Variants in SYK observed in about 807,000 individuals in gnomAD.
SYK encodes the protein tyrosine-protein kinase SYK.
A neutral mutation model predicts 77.8 loss-of-function variants in SYK; 16 were observed. The ratio of observed to expected loss-of-function variants is 0.21; its 90% CI spans 0.14 to 0.31. The LOEUF (loss-of-function observed/expected upper bound fraction) is 0.31, where lower values mean the gene tolerates loss of function less well. Ranked by LOEUF, SYK falls within the 10% of genes least tolerant of loss-of-function variation. The pLI is 1.00. For synonymous variants in SYK, 312 were observed against 308.7 expected (o/e 1.01, Z -0.11); for missense variants, 529 against 814.4 (o/e 0.65, Z 4.26).
chr9:90,881,838 C>T (rs1828170239), intron 11 of SYK, among the ~76,000 whole-genome samples: 1 of 152,118 alleles, frequency 6.6e-6, no homozygotes, highest in Non-Finnish European at 1.5e-5. Flanking sequence ...CAGCTCCTTC[C>T]GAGAGCAAAC....
intron 4 of SYK, among the ~76,000 whole-genome samples, chr9:90,864,019 A>G (rs896080827): frequency 1.3e-5 from 2 of 152,216 alleles, no homozygotes; most frequent in African/African-American, 4.8e-5. Context: ...TGTGTTTAGG[A>G]AACTACGTCA....
At position 90,838,294 on chromosome 9, in the gene SYK, C is replaced by T. The variant is rs116927972; in HGVS notation, c.-41-5564C>T. On this transcript the variant is annotated intron_variant, in intron 1 of 13. Coordinates refer to ENST00000375754, the MANE Select transcript of SYK (RefSeq NM_003177.7). ...GAACAAGGTCATCCTATTCTCACCT[C>T]CCAGAGCTGGCCCTCTGGTGGGAAG... 7.8e-3 allele frequency among the ~76,000 whole-genome samples: 1,184 copies of T among 152,292 alleles called. 9 individuals are homozygous for T. The highest frequency in any genetic ancestry group is 0.021 in the African/African-American group (852 of 41,554).
At position 90,895,888 on chromosome 9, in the gene SYK, A is replaced by G. The variant is rs187420975; in HGVS notation, c.*288A>G. On this transcript the variant is annotated 3_prime_UTR_variant, in exon 14 of 14. Coordinates refer to ENST00000375754, the MANE Select transcript of SYK (RefSeq NM_003177.7). This position sits in a 1 kb window ranked among gnomAD's most constrained non-coding sequence, Gnocchi z 4.4. ...CAGGTTATTTTTACGATCTGTTTCC[A>G]AATCCCTTTCATGTCTTTCCACTTC... The G allele has an allele frequency of 1.4e-3, 577 of 416,964 alleles. 5 individuals carry two copies. Among genetic ancestry groups the G allele is most frequent in the African/African-American group, 0.011 (547 of 51,176 alleles). 25.8% of individuals were successfully genotyped at this position (416,964 alleles called of 1,614,324 possible).
chr9:90,823,644 T>C (rs1825586694), intron 1 of SYK, among the ~76,000 whole-genome samples: 1 of 152,148 alleles, frequency 6.6e-6, no homozygotes, highest in Non-Finnish European at 1.5e-5. Context: ...GACTTCTATA[T>C]AACCTATGTT....
intron 13 of SYK, among the ~76,000 whole-genome samples, chr9:90,892,895 C>T (rs1319331583): frequency 6.6e-6 from 1 of 152,234 alleles, no homozygotes; most frequent in Non-Finnish European, 1.5e-5. Flanking sequence ...TAAAGATCAA[C>T]AAGCCCAAGA....
intron 1 of SYK, among the ~76,000 whole-genome samples, chr9:90,836,449 C>T (rs1441532480): frequency 4.6e-5 from 7 of 152,008 alleles, no homozygotes; most frequent in East Asian, 1.9e-4. Context: ...CATTCACAGT[C>T]GAGGAAAATG....
chr9:90,843,817 G>A (rs200074278), intron 1 of SYK, 41 bp from the exon 2 acceptor site: 53 of 1,382,910 alleles, frequency 3.8e-5, no homozygotes, highest in African/African-American at 1.0e-4. Context: ...TCCCTGCCAC[G>A]TGGGGTCCTC....
chr9:90,822,387 T>C (rs1288549123), intron 1 of SYK, among the ~76,000 whole-genome samples: 1 of 152,202 alleles, frequency 6.6e-6, no homozygotes, highest in African/African-American at 2.4e-5. Context: ...AGTAGACAGA[T>C]CACAGCCTTC....
intron 3 of SYK, among the ~76,000 whole-genome samples, chr9:90,851,821 T>C (rs1312350828): frequency 6.6e-6 from 1 of 152,192 alleles, no homozygotes; most frequent in Non-Finnish European, 1.5e-5. Context: ...GGATCCAGGA[T>C]TGAGGGGTCC....
rs199606629 is a variant in SYK at position 90,843,926 on chromosome 9, G to C, written c.28G>C (p.Ala10Pro). ...GGCCAGCAGCGGCATGGCTGACAGC[G>C]CCAACCACCTGCCCTTCTTTTTCGG... MASSGMADSANHLPFFFGNI... is the reference protein window; with the variant it reads MASSGMADSPNHLPFFFGNI... The change falls in exon 2 of 14, where the codon GCC becomes CCC. Residue 10 changes from alanine to proline, a missense_variant. Physicochemically the swap from Ala to Pro is conservative, Grantham distance 27. This residue lies in a region of SYK where 321 missense variants were observed against 433.1 expected (regional missense o/e 0.74). Transcript: ENST00000375754. 1.9e-6 allele frequency: 3 copies of C among 1,556,108 alleles called. No individual in the cohort carries two copies. Among genetic ancestry groups the C allele is most frequent in the Non-Finnish European group, 2.6e-6 (3 of 1,149,456 alleles).
intron 13 of SYK, among the ~76,000 whole-genome samples, chr9:90,891,770 G>A (rs943507831): frequency 6.6e-6 from 1 of 152,168 alleles, no homozygotes; most frequent in Non-Finnish European, 1.5e-5. Flanking sequence ...GGGCCACAAG[G>A]AGAACTCAGA....
At chr9:90,863,080 A>G (rs1169145515) in intron 4 of SYK, among the ~76,000 whole-genome samples, 1 of 152,252 alleles carries the variant, frequency 6.6e-6, no homozygotes, top group East Asian at 1.9e-4. Context: ...GAGCACTAAA[A>G]TAATGCTCAT....
chr9:90,879,409 T>G (rs1828064098), intron 11 of SYK, among the ~76,000 whole-genome samples: 3 of 152,356 alleles, frequency 2.0e-5, no homozygotes, highest in South Asian at 2.1e-4. Context: ...ATAGGACATT[T>G]CATAACATGT....
chr9:90,815,255 A>C (rs1024853502), intron 1 of SYK, among the ~76,000 whole-genome samples: 1 of 152,236 alleles, frequency 6.6e-6, no homozygotes, highest in Non-Finnish European at 1.5e-5. Context: ...ACCAAGAAAT[A>C]AGGCGTTTGT....
chr9:90,893,835 G>C (rs1211898646), intron 13 of SYK, among the ~76,000 whole-genome samples: 2 of 152,116 alleles, frequency 1.3e-5, no homozygotes, highest in Non-Finnish European at 2.9e-5. Flanking sequence ...AGAGGAGGAG[G>C]GTCACTGGGT....
intron 1 of SYK, among the ~76,000 whole-genome samples, chr9:90,842,987 C>T (rs10993707): frequency 0.29 from 44,087 of 151,910 alleles, 6,545 homozygotes; most frequent in South Asian, 0.34. Flanking sequence ...ATGCATTGGC[C>T]GCCTTTCTTT....
At position 90,887,773 on chromosome 9, in the gene SYK, G is replaced by A. The variant is rs1163351061; in HGVS notation, c.1606G>A (p.Val536Ile). ...GGCCCAGACCCATGGAAAGTGGCCT[G>A]TCAAGTGGTACGCTCCGGAATGCAT... ...YKAQTHGKWP[V>I]KWYAPECINY... The change falls in exon 12 of 14, where the codon GTC becomes ATC. Residue 536 changes from valine to isoleucine, a missense_variant. Val to Ile is a conservative substitution (Grantham distance 29, BLOSUM62 3). Around this residue, in one of 2 missense-constraint regions of SYK, gnomAD observed 208 missense variants for 381.3 expected, o/e 0.55. Coordinates refer to ENST00000375754, the MANE Select transcript of SYK (RefSeq NM_003177.7). The A allele has an allele frequency of 6.2e-7, 1 of 1,612,234 alleles. No individual in the cohort carries two copies. Among genetic ancestry groups the A allele is most frequent in the Non-Finnish European group, 8.5e-7 (1 of 1,179,142 alleles).
intron 11 of SYK, among the ~76,000 whole-genome samples, chr9:90,883,805 C>T (rs1297743596): frequency 6.6e-6 from 1 of 152,124 alleles, no homozygotes; most frequent in Non-Finnish European, 1.5e-5. Context: ...AACCCAAGAA[C>T]CTGCCCACAT....
intron 1 of SYK, among the ~76,000 whole-genome samples, chr9:90,810,930 A>G (rs1825048262): frequency 1.3e-5 from 2 of 152,172 alleles, no homozygotes; most frequent in Admixed American, 6.5e-5. Context: ...GTGCAGGGCC[A>G]TGGATGAATG....
Sources: gnomAD v4.1 joint callset for allele counts (sites outside exome capture counted in the v4.1 genomes callset) on GRCh38, gnomAD v4.1.1 for gene constraint, gnomAD v4.1.1 regional missense constraint, Gnocchi (gnomAD v3.1) non-coding constraint, MANE v1.5 for transcripts, NCBI Gene and HGNC (gene_info 2026-07-23, HGNC 2026-07-21) for gene names.